Variants in FARP1 observed in about 807,000 individuals in gnomAD.
FARP1 encodes FERM, ARH/RhoGEF and pleckstrin domain protein 1.
Under a neutral mutation model 128.8 loss-of-function variants are expected in FARP1, and 52 were observed. That is an observed-to-expected ratio of 0.40 (90% CI 0.32 to 0.51). The LOEUF is 0.51. FARP1 is among the 20% of genes least tolerant of loss of function. FARP1 has a pLI of 0.45. For synonymous variants in FARP1, 580 were observed against 551.8 expected (o/e 1.05, Z -0.72); for missense variants, 1,333 against 1,367.9 (o/e 0.97, Z 0.40).
intron 2 of FARP1, among the ~76,000 whole-genome samples, chr13:98,245,871 C>T (rs1290006113): frequency 6.6e-6 from 1 of 151,024 alleles, no homozygotes; most frequent in African/African-American, 2.4e-5. Flanking sequence ...CGGGTTCAAG[C>T]AATTCTCCTG....
chr13:98,174,897 C>T (rs373756425), intron 1 of FARP1, among the ~76,000 whole-genome samples: 3 of 152,198 alleles, frequency 2.0e-5, no homozygotes, highest in East Asian at 3.8e-4. Flanking sequence ...AGAACCATGA[C>T]TTGAATCCTA....
chr13:98,168,506 AG>A (rs2139155268), intron 1 of FARP1, among the ~76,000 whole-genome samples: 1 of 152,348 alleles, frequency 6.6e-6, no homozygotes, highest in African/African-American at 2.4e-5. Context: ...AGACTGGGCC[AG>A]GTTTCTCACT....
intron 1 of FARP1, among the ~76,000 whole-genome samples, chr13:98,153,713 G>A (rs1410539184): frequency 2.6e-5 from 4 of 151,468 alleles, no homozygotes; most frequent in African/African-American, 9.7e-5. Context: ...ACAGGTGCCT[G>A]TCACCACACC....
intron 2 of FARP1, among the ~76,000 whole-genome samples, chr13:98,304,860 C>T (rs1301070346): frequency 6.6e-6 from 1 of 152,218 alleles, no homozygotes; most frequent in Non-Finnish European, 1.5e-5. Flanking sequence ...TTGGAACATG[C>T]TGTTCATATC....
chr13:98,354,823 G>A (rs1003352294), intron 3 of FARP1, among the ~76,000 whole-genome samples: 1 of 152,182 alleles, frequency 6.6e-6, no homozygotes, highest in African/African-American at 2.4e-5. Context: ...AGAAGTCTTA[G>A]ACAAAATTAT....
intron 2 of FARP1, among the ~76,000 whole-genome samples, chr13:98,303,964 C>T (rs939031196): frequency 1.3e-5 from 2 of 152,084 alleles, no homozygotes; most frequent in African/African-American, 2.4e-5. Context: ...GTTACTTGAC[C>T]GAAGTGGTGG....
At chr13:98,368,858 C>T (rs1431482780) in intron 5 of FARP1, among the ~76,000 whole-genome samples, 3 of 151,918 alleles carry the variant, frequency 2.0e-5, no homozygotes, top group African/African-American at 4.8e-5. Flanking sequence ...TTTTCATTGT[C>T]GTCACCATCA....
At position 98,435,724 on chromosome 13, in the gene FARP1, C is replaced by T. The variant is rs747783095; in HGVS notation, c.2274+18C>T. ...CGGGAAGGGTAAGCAGCAGTGGCCT[C>T]ACTATGCACTGCGCGGGGAGCAGAA... On this transcript the variant is annotated intron_variant, in intron 19 of 26. Transcript: ENST00000319562. The T allele has an allele frequency of 5.0e-6, 8 of 1,612,878 alleles. No homozygotes were observed. The highest frequency in any genetic ancestry group is 2.2e-5 in the South Asian group (2 of 91,042).
At position 98,410,788 on chromosome 13, in the gene FARP1, C is replaced by G. The variant is rs1334282642; in HGVS notation, c.1657C>G (p.Arg553Gly). ...FIAKEVSTTE[R>G]TYLKDLEVIT... Reference sequence around the variant, plus strand: ...AGCTAAGGAAGTGTCTACCACCGAGCGAACATATCTGAAGGATCTCGAAGT... The same window carrying G: ...AGCTAAGGAAGTGTCTACCACCGAGGGAACATATCTGAAGGATCTCGAAGT... Residue 553 changes from arginine (R) to glycine (G), a missense_variant, in exon 15 of 27, where the codon CGA becomes GGA. Coordinates refer to ENST00000319562, the MANE Select transcript of FARP1 (RefSeq NM_005766.4). 6.2e-7 allele frequency: 1 copy of G among 1,602,056 alleles called. No individual in the cohort carries two copies. The highest frequency in any genetic ancestry group is 8.5e-7 in the Non-Finnish European group (1 of 1,171,560).
intron 16 of FARP1, among the ~76,000 whole-genome samples, chr13:98,419,335 A>G (rs9517288): frequency 0.18 from 27,882 of 152,044 alleles, 2,738 homozygotes; most frequent in Middle Eastern, 0.26. Flanking sequence ...TTAGTTGGGC[A>G]TGGTGGCAGG....
chr13:98,408,916 T>C (rs370681722), intron 13 of FARP1, among the ~76,000 whole-genome samples: 3 of 152,352 alleles, frequency 2.0e-5, no homozygotes, highest in East Asian at 1.9e-4. Flanking sequence ...GTGTCCTAAG[T>C]ACAGCAGTTG....
rs768655444 is a variant in FARP1 at position 98,388,351 on chromosome 13, T to G, written c.760-32T>G. On this transcript the variant is annotated intron_variant, in intron 8 of 26. Coordinates refer to ENST00000319562, the MANE Select transcript of FARP1 (RefSeq NM_005766.4). ...ACTCCCAAGTTGCTTGTTATGCATT[T>G]CCTGGCTCACTGCTACTGTCTTTCT... is the stretch of plus-strand genomic sequence containing the variant. The G allele has an allele frequency of 1.0e-5, 16 of 1,553,118 alleles. No individual in the cohort carries two copies. The South Asian group carries it at 1.7e-4, about 16-fold the overall frequency.
At chr13:98,241,445 T>A (rs9513378) in intron 2 of FARP1, among the ~76,000 whole-genome samples, 117,669 of 152,056 alleles carry the variant, frequency 0.77, 46,375 homozygotes, top group East Asian at 0.95. Flanking sequence ...CTCTGCAGGG[T>A]CGTGTCCTGC....
At chr13:98,245,784 T>TTGGAGACAG (rs898820492) in intron 2 of FARP1, among the ~76,000 whole-genome samples, 3 of 152,162 alleles carry the variant, frequency 2.0e-5, no homozygotes, top group African/African-American at 7.2e-5. Flanking sequence ...TTTTTTTTAT[T>TTGGAGACAG]TGGAGAGGGA....
intron 1 of FARP1, among the ~76,000 whole-genome samples, chr13:98,200,120 T>C (rs1879835492): frequency 6.6e-6 from 1 of 152,164 alleles, no homozygotes; most frequent in African/African-American, 2.4e-5. Flanking sequence ...GGAGTAGAAA[T>C]TAAAAATTGA....
chr13:98,193,401 G>C (rs1219665012), intron 1 of FARP1, among the ~76,000 whole-genome samples: 1 of 152,166 alleles, frequency 6.6e-6, no homozygotes, highest in East Asian at 1.9e-4. Flanking sequence ...GAAGCAGCCA[G>C]CTGACTTATT....
At chr13:98,222,387 T>C (rs1881464838) in intron 2 of FARP1, among the ~76,000 whole-genome samples, 1 of 152,204 alleles carries the variant, frequency 6.6e-6, no homozygotes, top group Non-Finnish European at 1.5e-5. Context: ...TCTCATTTGT[T>C]GCTAAGTGAA....
chr13:98,273,573 T>C (rs887945838), intron 2 of FARP1, among the ~76,000 whole-genome samples: 2 of 152,240 alleles, frequency 1.3e-5, no homozygotes, highest in Non-Finnish European at 2.9e-5. Flanking sequence ...CTTTTTAGTT[T>C]ACACTGAAAT....
chr13:98,287,796 ACTT>A (rs1240628526), intron 2 of FARP1, among the ~76,000 whole-genome samples: 2 of 124,512 alleles, frequency 1.6e-5, no homozygotes, highest in Non-Finnish European at 3.2e-5. Flanking sequence ...TGTCCCAGGC[ACTT>A]CTTTTTTTTT....
Sources: allele counts gnomAD v4.1 joint callset (sites outside exome capture counted in the v4.1 genomes callset), GRCh38; gene constraint gnomAD v4.1.1; transcripts MANE v1.5; gene names NCBI Gene and HGNC (gene_info 2026-07-23, HGNC 2026-07-21).